Variants in KNTC1 observed in about 807,000 individuals in gnomAD.
The protein encoded by KNTC1 is kinetochore associated 1.
Under a neutral mutation model 314.4 loss-of-function variants are expected in KNTC1, and 253 were observed. That is an observed-to-expected ratio of 0.80 (90% confidence interval 0.73 to 0.89). KNTC1 has a LOEUF of 0.89. KNTC1 is among the 40% of genes least tolerant of loss of function. The probability of loss-of-function intolerance (pLI) is 0.00; values close to 1 mark genes in which losing one functional copy is unlikely to be tolerated. For missense variants in KNTC1, 2,475 were observed against 2,572.9 expected (o/e 0.96, Z 0.82); for synonymous variants, 901 against 901.4 (o/e 1.00, Z 0.01).
chr12:122,570,516 A>T (rs1964617350), intron 22 of KNTC1, among the ~76,000 whole-genome samples: 1 of 151,774 alleles, frequency 6.6e-6, no homozygotes, highest in South Asian at 2.1e-4. Context: ...CTGTCTCAAA[A>T]AAAAAAAAAA....
At chr12:122,529,275 T>C (rs1028708723) in intron 1 of KNTC1, among the ~76,000 whole-genome samples, 5 of 152,206 alleles carry the variant, frequency 3.3e-5, no homozygotes. Context: ...TGCTATACCT[T>C]TTATAGATAT....
intron 33 of KNTC1, among the ~76,000 whole-genome samples, chr12:122,581,791 G>T (rs1182636676): frequency 6.6e-6 from 1 of 152,178 alleles, no homozygotes; most frequent in African/African-American, 2.4e-5. Context: ...CACCGTGCGT[G>T]GATGCATTAT....
Position 122,621,882 on chromosome 12 carries a change from A to G in KNTC1, c.6281A>G (p.Asn2094Ser). The G allele has an allele frequency of 6.3e-7, 1 of 1,582,918 alleles. No homozygotes were observed. The highest frequency in any genetic ancestry group is 1.7e-4 in the Middle Eastern group (1 of 6,008). The part of the protein sequence containing the change: ...HSEKRHQQIK[N>S]FLGSCDPQVI... ...AATTCTGCTTTGATTTTTCTCTAGA[A>G]TTTTCTGGGTTCCTGTGACCCTCAG... Residue 2094 changes from asparagine to serine, a missense_variant and splice_region_variant, in exon 61 of 64, where the codon AAT (asparagine) becomes AGT (serine). By Grantham distance (46) the Asn-to-Ser change is conservative. Coordinates refer to ENST00000333479, the MANE Select transcript of KNTC1 (RefSeq NM_014708.6).
chr12:122,574,898 C>T (rs1964917536), intron 27 of KNTC1, among the ~76,000 whole-genome samples: 1 of 152,188 alleles, frequency 6.6e-6, no homozygotes, highest in Non-Finnish European at 1.5e-5. Context: ...TTGTAATATG[C>T]CTTTATTTTA....
At chr12:122,561,440 C>G (rs565274251) in intron 18 of KNTC1, among the ~76,000 whole-genome samples, 7 of 151,446 alleles carry the variant, frequency 4.6e-5, no homozygotes, top group African/African-American at 1.7e-4. Context: ...AGTATTTTTG[C>G]TATTTATTTA....
chr12:122,575,279 C>T (rs1049306430), intron 27 of KNTC1, among the ~76,000 whole-genome samples: 3 of 152,122 alleles, frequency 2.0e-5, no homozygotes, highest in Non-Finnish European at 4.4e-5. Flanking sequence ...CAAAAAAAAC[C>T]CAGGGATTGT....
intron 62 of KNTC1, 46 bp from the exon 63 acceptor site, chr12:122,624,552 G>T: frequency 7.1e-7 from 1 of 1,400,224 alleles, no homozygotes; most frequent in Non-Finnish European, 1.0e-6. Flanking sequence ...GTAGGCACAA[G>T]GCACTGTGCT....
intron 63 of KNTC1, 105 bp from the exon 64 acceptor site, chr12:122,626,100 G>A (rs1875019125): frequency 5.2e-6 from 4 of 774,052 alleles, no homozygotes; most frequent in Non-Finnish European, 8.8e-6. Context: ...AGTTTGATAT[G>A]TAGATTTGTA....
chr12:122,569,879 A>T (rs1237869390), intron 22 of KNTC1, 55 bp downstream of exon 22: 19 of 1,513,000 alleles, frequency 1.3e-5, no homozygotes, highest in Non-Finnish European at 1.7e-5. Flanking sequence ...TTTTTACATT[A>T]GATCATTGAG....
chr12:122,623,925 G>A (rs1317964746), intron 62 of KNTC1, among the ~76,000 whole-genome samples: 8 of 152,196 alleles, frequency 5.3e-5, no homozygotes, highest in East Asian at 1.9e-4. Context: ...AAAGTTAGCC[G>A]AGCATGGTGG....
Position 122,614,985 on chromosome 12 carries a change from C to T in KNTC1, c.5878-6C>T, listed in dbSNP as rs1239268484. 6.2e-7 allele frequency: 1 copy of T among 1,606,666 alleles called. No homozygotes were observed. The highest frequency in any genetic ancestry group is 2.2e-5 in the East Asian group (1 of 44,780). On this transcript the variant is annotated splice_polypyrimidine_tract_variant and splice_region_variant and intron_variant, in intron 55 of 63. Coordinates refer to ENST00000333479, the MANE Select transcript of KNTC1 (RefSeq NM_014708.6). ...TAGCATGATTTTTTTCTTTTTTTGG[C>T]TTCAGGCAGTAAGATTGGTGACTGA...
At chr12:122,615,638 T>C in intron 57 of KNTC1, 112 bp downstream of exon 57, 1 of 1,057,254 alleles carries the variant, frequency 9.5e-7, no homozygotes. Flanking sequence ...ATAACAGAAC[T>C]GAGCCAAGTA....
chr12:122,590,656 C>T lies in KNTC1; in HGVS notation c.4049C>T (p.Thr1350Ile). The T allele has an allele frequency of 6.2e-7, 1 of 1,613,516 alleles. No individual in the cohort carries two copies. Among genetic ancestry groups the T allele is most frequent in the Middle Eastern group, 1.7e-4 (1 of 6,058 alleles). The change falls in exon 41 of 64, where the codon ACT becomes ATT. Residue 1350 changes from threonine (T) to isoleucine (I), a missense_variant. Coordinates refer to ENST00000333479, the MANE Select transcript of KNTC1 (RefSeq NM_014708.6). ...CTTGACCTGGCGTTGGGTTACTGCA[C>T]TCTCTTACCTCAAAAAGATGTGTTT... ...VDLDLALGYC[T>I]LLPQKDVFEN...
intron 18 of KNTC1, among the ~76,000 whole-genome samples, chr12:122,560,763 G>C (rs532598075): frequency 6.6e-6 from 1 of 152,262 alleles, no homozygotes; most frequent in Non-Finnish European, 1.5e-5. Flanking sequence ...TAAGTGTTCA[G>C]ATTTCTCCAC....
chr12:122,543,059 C>T (rs943835674), intron 6 of KNTC1, among the ~76,000 whole-genome samples: 26 of 151,940 alleles, frequency 1.7e-4, no homozygotes, highest in Middle Eastern at 3.2e-3. Flanking sequence ...ATTACAGGTG[C>T]GCACCACCAC....
At chr12:122,601,402 A>T in intron 44 of KNTC1, 134 bp from the exon 45 acceptor site, 1 of 827,854 alleles carries the variant, frequency 1.2e-6, no homozygotes, top group Non-Finnish European at 1.8e-6. Flanking sequence ...GCTCATTTTT[A>T]AGGGAGTAAT....
chr12:122,535,280 T>G (rs1207542115), intron 3 of KNTC1, among the ~76,000 whole-genome samples: 1 of 152,088 alleles, frequency 6.6e-6, no homozygotes, highest in Non-Finnish European at 1.5e-5. Flanking sequence ...TCCCAGCACT[T>G]TGGGAGGCTG....
rs1347457643 is a variant in KNTC1, at chr12:122,586,745, T to A, written c.3718T>A (p.Ser1240Thr). ...PLESTSLPYC[S>T]LNEGDGLVLP... is the part of the protein sequence containing the mutation. ...GGAGTCTACCAGTTTGCCATACTGC[T>A]CCCTTAATGAAGGTATTTGGCACAA... The change falls in exon 38 of 64, where the codon TCC (serine) becomes ACC (threonine). Residue 1240 changes from serine (S) to threonine (T), a missense_variant. By Grantham distance (58) the Ser-to-Thr change is moderately conservative. Transcript: ENST00000333479. 4 of 1,451,680 alleles carry A rather than the reference T, an allele frequency of 2.8e-6. No individual in the cohort carries two copies. The Middle Eastern group carries it at 5.4e-4, about 197-fold the overall frequency. 89.9% of individuals were successfully genotyped at this position (1,451,680 alleles called of 1,614,324 possible).
chr12:122,591,305 G>C lies in KNTC1; in HGVS notation c.4129-32G>C, dbSNP rs542938368. On this transcript the variant is annotated intron_variant, in intron 41 of 63. Transcript: ENST00000333479. ...TGTTATAAGAATACATTCTACTTAC[G>C]ATTGAACTTTAATTCTCTTTTAATT... is the stretch of plus-strand genomic sequence containing the variant. 32 of 1,094,796 alleles carry C rather than the reference G, an allele frequency of 2.9e-5. No homozygotes were observed. In the African/African-American group the frequency reaches 3.5e-4, roughly 12 times the overall value. 67.8% of individuals were successfully genotyped at this position (1,094,796 alleles called of 1,614,324 possible).
Sources: gnomAD v4.1 joint callset for allele counts (sites outside exome capture counted in the v4.1 genomes callset) on GRCh38, gnomAD v4.1.1 for gene constraint, MANE v1.5 for transcripts, NCBI Gene and HGNC (gene_info 2026-07-23, HGNC 2026-07-21) for gene names.